PEX5L: variants seen among roughly 807,000 people sequenced by gnomAD.
PEX5L encodes PEX5-related protein.
In PEX5L, 30 loss-of-function variants were observed where a neutral mutation model predicts 84.0. The observed-to-expected ratio is 0.36, with a 90% CI of 0.27 to 0.48. PEX5L has a LOEUF of 0.48. PEX5L is among the 20% of genes least tolerant of loss of function. The probability of loss-of-function intolerance (pLI) is 0.99; values close to 1 mark genes in which losing one functional copy is unlikely to be tolerated. For synonymous variants in PEX5L, 270 were observed against 283.1 expected, an observed-to-expected ratio of 0.95 and a Z score of 0.46; for missense variants, 533 against 754.6, an observed-to-expected ratio of 0.71 and a Z score of 3.44.
At chr3:179,921,792 C>T (rs1036902124) in intron 2 of PEX5L, 2 of 152,200 alleles carry the variant, frequency 1.3e-5, no homozygotes, top group African/African-American at 4.8e-5. Flanking sequence ...TGCGCATCCC[C>T]TACTACTCCA....
At chr3:179,927,338 A>G (rs1265233965) in intron 2 of PEX5L, among the ~76,000 whole-genome samples, 1 of 152,184 alleles carries the variant, frequency 6.6e-6, no homozygotes, top group Non-Finnish European at 1.5e-5. Context: ...AGTTACGATT[A>G]ACTAGGCACA....
intron 2 of PEX5L, among the ~76,000 whole-genome samples, chr3:179,939,768 T>G (rs186520512): frequency 2.6e-4 from 39 of 152,224 alleles, no homozygotes; most frequent in Non-Finnish European, 4.1e-4. Flanking sequence ...CCCCACTGAG[T>G]GAGCAGACAG....
rs747762609 is a variant in PEX5L at position 179,819,829 on chromosome 3, A to G, written c.939+31T>C. On this transcript the variant is annotated intron_variant, in intron 9 of 14. Coordinates refer to ENST00000467460, the MANE Select transcript of PEX5L (RefSeq NM_016559.3). Reference sequence around the variant, plus strand: ...ATGATCCAAAAAGGTGGAGAAAAGTAGTCAGCATGTATAGGAACAGAATTG... The same window carrying G: ...ATGATCCAAAAAGGTGGAGAAAAGTGGTCAGCATGTATAGGAACAGAATTG... The G allele has an allele frequency of 8.8e-6, 14 of 1,594,172 alleles. 1 individual carries two copies. The highest frequency in any genetic ancestry group is 4.5e-5 in the East Asian group (2 of 44,756).
intron 8 of PEX5L, among the ~76,000 whole-genome samples, chr3:179,854,897 A>G (rs1004114365): frequency 1.3e-5 from 2 of 152,242 alleles, no homozygotes; most frequent in Admixed American, 6.5e-5. Flanking sequence ...GGACCCAGTG[A>G]TAAATACTAG....
At chr3:179,853,564 C>T (rs1246247770) in intron 8 of PEX5L, among the ~76,000 whole-genome samples, 1 of 152,164 alleles carries the variant, frequency 6.6e-6, no homozygotes, top group Non-Finnish European at 1.5e-5. Context: ...CCTGTGCATC[C>T]TTCCTAGGGA....
chr3:179,933,206 T>C (rs935590625), intron 2 of PEX5L, among the ~76,000 whole-genome samples: 1 of 152,228 alleles, frequency 6.6e-6, no homozygotes, highest in Non-Finnish European at 1.5e-5. Flanking sequence ...CACTGATGGC[T>C]GCTCTGGACC....
intron 14 of PEX5L, among the ~76,000 whole-genome samples, chr3:179,805,562 A>C (rs1050045893): frequency 6.6e-5 from 10 of 152,222 alleles, no homozygotes; most frequent in African/African-American, 2.4e-4. Flanking sequence ...TTTTTTAAGA[A>C]ATGTATTCAA....
intron 5 of PEX5L, 141 bp downstream of exon 5, chr3:179,879,788 G>T: frequency 1.9e-6 from 1 of 539,118 alleles, no homozygotes; most frequent in Non-Finnish European, 3.2e-6. Flanking sequence ...CTCAAAAGAA[G>T]CTATGTCCTG....
chr3:179,937,034 T>C lies in PEX5L; in HGVS notation c.93+34560A>G, dbSNP rs1017900452. ...AAACAGAATCAGTGGGGTATTAGAG[T>C]AGCATAATCAGTCAATACGTTTATT... On this transcript the variant is annotated intron_variant, in intron 2 of 14. Coordinates refer to ENST00000467460, the MANE Select transcript of PEX5L (RefSeq NM_016559.3). 3.9e-5 allele frequency among the ~76,000 whole-genome samples: 6 copies of C among 152,036 alleles called. 1 individual carries two copies. Among genetic ancestry groups the C allele is most frequent in the African/African-American group, 1.5e-4 (6 of 41,376 alleles).
chr3:179,856,967 T>C (rs1012849708), intron 8 of PEX5L, among the ~76,000 whole-genome samples: 2 of 152,234 alleles, frequency 1.3e-5, no homozygotes, highest in Non-Finnish European at 2.9e-5. Context: ...CTGTGGACCA[T>C]GCTATTGTTA....
At chr3:179,968,731 GTC>G (rs1560974709) in intron 2 of PEX5L, among the ~76,000 whole-genome samples, 35 of 144,836 alleles carry the variant, frequency 2.4e-4, no homozygotes, top group East Asian at 7.9e-4. Context: ...GTCTGTGTGT[GTC>G]TGTGTGTCTG....
chr3:179,906,511 A>G (rs1763266231), intron 2 of PEX5L, among the ~76,000 whole-genome samples: 1 of 152,208 alleles, frequency 6.6e-6, no homozygotes, highest in African/African-American at 2.4e-5. Flanking sequence ...GGCATAAATA[A>G]TACATATTTC....
At chr3:179,852,252 C>T (rs1299893595) in intron 8 of PEX5L, among the ~76,000 whole-genome samples, 1 of 152,164 alleles carries the variant, frequency 6.6e-6, no homozygotes, top group African/African-American at 2.4e-5. Context: ...ATAGCTCCCT[C>T]ATGTGGTGTG....
At chr3:179,961,140 G>C (rs78335219) in intron 2 of PEX5L, among the ~76,000 whole-genome samples, 35,715 of 151,484 alleles carry the variant, frequency 0.24, 4,442 homozygotes, top group Non-Finnish European at 0.27. Context: ...GAGATCATTT[G>C]GCCAAAAAAT....
At chr3:179,837,038 C>T (rs1362307276) in intron 8 of PEX5L, among the ~76,000 whole-genome samples, 1 of 152,096 alleles carries the variant, frequency 6.6e-6, no homozygotes, top group Non-Finnish European at 1.5e-5. Context: ...AGAAGAAAAA[C>T]TATAATACAT....
intron 1 of PEX5L, among the ~76,000 whole-genome samples, chr3:179,995,457 C>T (rs949213061): frequency 2.0e-5 from 3 of 151,888 alleles, no homozygotes; most frequent in African/African-American, 4.8e-5. Flanking sequence ...ACTGATAGTC[C>T]TTAGTGTGAA....
intron 1 of PEX5L, among the ~76,000 whole-genome samples, chr3:179,983,646 A>G (rs943234052): frequency 6.6e-6 from 1 of 152,076 alleles, no homozygotes; most frequent in African/African-American, 2.4e-5. Flanking sequence ...AAGTATGACA[A>G]GCTATGATTA....
Position 179,887,771 on chromosome 3 carries a change from T to G in PEX5L, c.212A>C (p.Gln71Pro), listed in dbSNP as rs778245771. The stretch of plus-strand genomic sequence containing the variant: ...ACTCAGGAGGGGTCTGCTTTCTTGT[T>G]GCTCATTCACCAGCTGAGAACAAAT... ...LTMTSQLVNE[Q>P]QESRPLLSPS... The change falls in exon 4 of 15, where the codon CAA becomes CCA. Residue 71 changes from glutamine (Q) to proline (P), a missense_variant. Physicochemically the swap from Gln to Pro is moderately conservative, Grantham distance 76. Around this residue, in one of 8 missense-constraint regions of PEX5L, gnomAD observed 259 missense variants for 301.7 expected, o/e 0.86. Transcript: ENST00000467460. The G allele has an allele frequency of 6.2e-7, 1 of 1,613,038 alleles. No individual in the cohort carries two copies. The highest frequency in any genetic ancestry group is 8.5e-7 in the Non-Finnish European group (1 of 1,179,020).
intron 7 of PEX5L, among the ~76,000 whole-genome samples, chr3:179,869,374 T>G (rs1160330594): frequency 4.6e-5 from 7 of 152,240 alleles, no homozygotes; most frequent in Non-Finnish European, 7.3e-5. Flanking sequence ...TCTAATTTTT[T>G]GGGATATATG....
Sources: gnomAD v4.1 joint callset for allele counts (sites outside exome capture counted in the v4.1 genomes callset) on GRCh38, gnomAD v4.1.1 for gene constraint, gnomAD v4.1.1 regional missense constraint, MANE v1.5 for transcripts, NCBI Gene and HGNC (gene_info 2026-07-23, HGNC 2026-07-21) for gene names.